ZSCAN31: variants seen among roughly 807,000 people sequenced by gnomAD.
The protein encoded by ZSCAN31 is zinc finger and SCAN domain containing 31, also known as zinc finger and SCAN domain-containing protein 31.
In ZSCAN31, 14 loss-of-function variants were observed where a neutral mutation model predicts 22.5. The observed-to-expected ratio is 0.62, with a 90% CI of 0.41 to 0.97. ZSCAN31 has a LOEUF of 0.97. Among genes scored for constraint, ZSCAN31 ranks in the 50% least tolerant of loss-of-function variants. The pLI is 0.00. For missense variants in ZSCAN31, 424 were observed against 483.4 expected (o/e 0.88, Z 1.15); for synonymous variants, 168 against 169.8 (o/e 0.99, Z 0.08).
intron 2 of ZSCAN31, among the ~76,000 whole-genome samples, chr6:28,344,213 T>A (rs1764544379): frequency 6.6e-6 from 1 of 152,160 alleles, no homozygotes; most frequent in Non-Finnish European, 1.5e-5. Flanking sequence ...TCACACGGGT[T>A]TTTTGGCCTC....
chr6:28,338,258 G>A (rs955755781), upstream of ZSCAN31, among the ~76,000 whole-genome samples: 7 of 151,922 alleles, frequency 4.6e-5, no homozygotes, highest in Admixed American at 3.9e-4. Context: ...AATTAGCCAG[G>A]CATTGTGGCA....
chr6:28,350,875 C>T (rs937794327), intron 2 of ZSCAN31, among the ~76,000 whole-genome samples: 1 of 152,094 alleles, frequency 6.6e-6, no homozygotes, highest in African/African-American at 2.4e-5. Context: ...CTTTAAGACT[C>T]GGGGGTACCT....
chr6:28,330,228 C>CCAGCTAACTGCCAGA (rs1763636368), intron 1 of ZSCAN31, among the ~76,000 whole-genome samples: 1 of 152,152 alleles, frequency 6.6e-6, no homozygotes, highest in South Asian at 2.1e-4. Context: ...TAGCTGACAG[C>CCAGCTAACTGCCAGA]CAGCTAACTG....
chr6:28,354,083 C>T (rs1350791346), intron 1 of ZSCAN31: 1 of 402,920 alleles, frequency 2.5e-6, no homozygotes, highest in Non-Finnish European at 5.0e-6. Flanking sequence ...CTGCCGCTCC[C>T]ACACTTACAG....
chr6:28,348,708 G>C (rs1046959631), intron 2 of ZSCAN31, among the ~76,000 whole-genome samples: 1 of 152,064 alleles, frequency 6.6e-6, no homozygotes, highest in Non-Finnish European at 1.5e-5. Context: ...TCTCGGATTC[G>C]TGACTCTTTC....
chr6:28,343,840 A>G (rs1325429457), intron 2 of ZSCAN31, among the ~76,000 whole-genome samples: 1 of 151,958 alleles, frequency 6.6e-6, no homozygotes, highest in African/African-American at 2.4e-5. Context: ...TATGCAGTAT[A>G]TTTTCTATAA....
upstream of ZSCAN31, among the ~76,000 whole-genome samples, chr6:28,338,049 T>TTAAATAAA (rs144116966): frequency 6.7e-6 from 1 of 148,902 alleles, no homozygotes; most frequent in African/African-American, 2.5e-5. Flanking sequence ...GTCTCCAAAA[T>TTAAATAAA]TAAATAAATA....
rs1439233050 is a variant in ZSCAN31 at position 28,333,947 on chromosome 6, A to C, written c.-96+2135T>G. Among the ~76,000 whole-genome samples the C allele has an allele frequency of 6.6e-6, 1 of 152,208 alleles. No homozygotes were observed. The highest frequency in any genetic ancestry group is 6.5e-5 in the Admixed American group (1 of 15,284). The stretch of plus-strand genomic sequence containing the variant: ...GGTAGAGGCAAAAGTGGAAGCAGAA[A>C]GCAAGAGTAGAAGCAGAAGAGGCAA... On this transcript the variant is annotated intron_variant, in intron 1 of 3. Transcript: ENST00000344279. This position sits in a 1 kb window ranked among gnomAD's most constrained non-coding sequence, Gnocchi z 4.1.
chr6:28,330,698 A>G (rs1411239973), intron 1 of ZSCAN31, among the ~76,000 whole-genome samples: 2 of 152,228 alleles, frequency 1.3e-5, no homozygotes, highest in East Asian at 3.8e-4. Context: ...AGCCTGGGCA[A>G]TATGTGTATA....
At chr6:28,328,808 A>C (rs1763511364) in intron 2 of ZSCAN31, among the ~76,000 whole-genome samples, 1 of 152,208 alleles carries the variant, frequency 6.6e-6, no homozygotes, top group African/African-American at 2.4e-5. Flanking sequence ...AGGCATAAGA[A>C]ATTACAAAAG....
At chr6:28,355,736 A>G (rs1287169195), upstream of ZSCAN31, 1 of 152,258 alleles carries the variant, frequency 6.6e-6, no homozygotes, top group Non-Finnish European at 1.5e-5. Flanking sequence ...TGTTGGGGCT[A>G]TGCATATATC....
intron 2 of ZSCAN31, among the ~76,000 whole-genome samples, chr6:28,348,714 CTT>C (rs2113868976): frequency 6.6e-6 from 1 of 152,250 alleles, no homozygotes; most frequent in Non-Finnish European, 1.5e-5. Context: ...ATTCGTGACT[CTT>C]TCATTATTCC....
upstream of ZSCAN31, among the ~76,000 whole-genome samples, chr6:28,336,574 A>G (rs1185482772): frequency 6.6e-6 from 1 of 151,612 alleles, no homozygotes; most frequent in Non-Finnish European, 1.5e-5. Context: ...AGTGCTGGCT[A>G]GTTGGAACTG....
chr6:28,335,984 G>C (rs1049309133), intron 1 of ZSCAN31, 98 bp downstream of exon 1: 2 of 152,266 alleles, frequency 1.3e-5, no homozygotes, highest in African/African-American at 4.8e-5. Context: ...AGGGGCGGGG[G>C]TCACGCCTGC....
upstream of ZSCAN31, among the ~76,000 whole-genome samples, chr6:28,354,542 G>A (rs1765294529): frequency 6.6e-6 from 1 of 152,144 alleles, no homozygotes; most frequent in Admixed American, 6.5e-5. Flanking sequence ...ATAGGCTCTG[G>A]GCACACAGGC....
At chr6:28,344,614 T>C (rs1334311552) in intron 2 of ZSCAN31, among the ~76,000 whole-genome samples, 1 of 152,180 alleles carries the variant, frequency 6.6e-6, no homozygotes, top group African/African-American at 2.4e-5. Context: ...GGATTAAGTA[T>C]CATGGTATGT....
chr6:28,355,197 A>G (rs1401713334), upstream of ZSCAN31: 1 of 152,044 alleles, frequency 6.6e-6, no homozygotes, highest in Non-Finnish European at 1.5e-5. Flanking sequence ...ACTTCCTGTA[A>G]TTGTGCTTCT....
intron 2 of ZSCAN31, among the ~76,000 whole-genome samples, chr6:28,345,680 T>C (rs1372352519): frequency 6.6e-6 from 1 of 152,188 alleles, no homozygotes; most frequent in Non-Finnish European, 1.5e-5. Context: ...GAATCATTGA[T>C]CCACTGACAT....
At chr6:28,336,289 G>A (rs1384195197), upstream of ZSCAN31, 2 of 152,246 alleles carry the variant, frequency 1.3e-5, no homozygotes, top group African/African-American at 4.8e-5. Context: ...AGTCCCACTG[G>A]GTGCGAGGCG....
Sources: gnomAD v4.1 joint callset for allele counts (sites outside exome capture counted in the v4.1 genomes callset) on GRCh38, gnomAD v4.1.1 for gene constraint, Gnocchi (gnomAD v3.1) non-coding constraint, MANE v1.5 for transcripts, NCBI Gene and HGNC (gene_info 2026-07-23, HGNC 2026-07-21) for gene names.